DIDO1: variants seen among roughly 807,000 people sequenced by gnomAD.
The protein encoded by DIDO1 is death-inducer obliterator 1.
DIDO1 carries 16 observed loss-of-function variants against 99.4 expected under a neutral mutation model. That is an observed-to-expected ratio of 0.16 (90% CI 0.11 to 0.24). The LOEUF is 0.24. DIDO1 is among the 10% of genes least tolerant of loss of function. DIDO1 has a pLI of 1.00. For missense variants in DIDO1, 2,996 were observed against 3,014.0 expected (o/e 0.99, Z 0.14); for synonymous variants, 1,366 against 1,239.1 (o/e 1.10, Z -2.15).
In DIDO1 at chr20:62,922,668, ATCATCTGCGGCAAG is replaced by A. The variant is rs2065178117; in HGVS notation, c.-200+3757_-200+3770del. 2.0e-5 allele frequency among the ~76,000 whole-genome samples: 3 copies of A among 152,310 alleles called. No individual in the cohort carries two copies. The South Asian group carries it at 6.2e-4, about 32-fold the overall frequency. ...TTTCTGAAGCGACATCCTGTGCCAA[ATCATCTGCGGCAAG>A]TGTGCAACAGACGGTAGGTGCCACC... On this transcript the variant is annotated intron_variant, in intron 1 of 15. Transcript: ENST00000395343.
At chr20:62,904,344 T>C (rs1171894863) in intron 6 of DIDO1, among the ~76,000 whole-genome samples, 3 of 152,194 alleles carry the variant, frequency 2.0e-5, no homozygotes, top group Non-Finnish European at 4.4e-5. Context: ...GCTCAAACAA[T>C]GTAAGGTATC....
chr20:62,896,426 C>T lies in DIDO1; in HGVS notation c.2055-34G>A, dbSNP rs773455747. ...AATAAAAAAAAGGAACTACATAAGA[C>T]ACTTGTGTATATTAAACTTTTTGAA... On this transcript the variant is annotated intron_variant, in intron 7 of 15. Transcript: ENST00000395343. The surrounding 1 kb of genome is among the most constrained non-coding windows in gnomAD (Gnocchi z 4.4). The T allele has an allele frequency of 6.3e-7, 1 of 1,599,866 alleles. No homozygotes were observed. The highest frequency in any genetic ancestry group is 8.5e-7 in the Non-Finnish European group (1 of 1,175,856).
In DIDO1 at chr20:62,892,090, A is replaced by G; in HGVS notation, c.3256-14T>C. 1.2e-6 allele frequency: 2 copies of G among 1,607,216 alleles called. No homozygotes were observed. Among genetic ancestry groups the G allele is most frequent in the South Asian group, 1.1e-5 (1 of 89,502 alleles). ...GTCAGGCAAATCCTAAACAGAAAGT[A>G]CTTTGCGTAAATCACTTTGAACTGT... On this transcript the variant is annotated splice_polypyrimidine_tract_variant and intron_variant, in intron 13 of 15. Coordinates refer to ENST00000395343, the MANE Select transcript of DIDO1 (RefSeq NM_001193369.2).
intron 15 of DIDO1, among the ~76,000 whole-genome samples, chr20:62,885,848 C>T (rs2064288607): frequency 6.6e-6 from 1 of 152,252 alleles, no homozygotes; most frequent in Non-Finnish European, 1.5e-5. Context: ...ACCTTGGGAG[C>T]CATCTTCCCC....
intron 15 of DIDO1, chr20:62,888,039 G>A (rs1367948682): frequency 1.8e-5 from 18 of 985,406 alleles, no homozygotes; most frequent in South Asian, 9.4e-5. Flanking sequence ...AGGGTGCTGC[G>A]GGGGCAGCTC....
At chr20:62,935,789 CCT>C (rs2065376698) in intron 1 of DIDO1, among the ~76,000 whole-genome samples, 1 of 152,186 alleles carries the variant, frequency 6.6e-6, no homozygotes, top group Non-Finnish European at 1.5e-5. Flanking sequence ...GAGAGATCAC[CCT>C]GTCTGCTATG....
At chr20:62,908,451 C>T (rs1314839133) in intron 4 of DIDO1, among the ~76,000 whole-genome samples, 1 of 152,144 alleles carries the variant, frequency 6.6e-6, no homozygotes, top group African/African-American at 2.4e-5. Context: ...TCCTTCAAGC[C>T]AGGACTGCAG....
Position 62,896,573 on chromosome 20 carries a change from C to A in DIDO1, c.2012G>T (p.Arg671Leu). Residue 671 changes from arginine (R) to leucine (L), a missense_variant, in exon 7 of 16, where the codon CGG (arginine) becomes CTG (leucine). By Grantham distance (102) the Arg-to-Leu change is moderately radical (BLOSUM62 -2). Around this residue, in one of 5 missense-constraint regions of DIDO1, gnomAD observed 898 missense variants for 972.7 expected, o/e 0.92. Coordinates refer to ENST00000395343, the MANE Select transcript of DIDO1 (RefSeq NM_001193369.2). This position sits in a 1 kb window ranked among gnomAD's most constrained non-coding sequence, Gnocchi z 4.4. ...AAPSQPNSQI[R>L]QNIRRSLKEI... is the part of the protein sequence containing the mutation. ...TTTTAAGGAGCGTCTGATATTTTGC[C>A]GAATTTGTGAATTTGGCTGCGATGG... 6.3e-7 allele frequency: 1 copy of A among 1,594,868 alleles called. No individual in the cohort carries two copies. The highest frequency in any genetic ancestry group is 1.1e-5 in the South Asian group (1 of 88,112).
rs1317602967 is a variant in DIDO1 at position 62,880,497 on chromosome 20, T to G, written c.5459A>C (p.Tyr1820Ser). ...LFSGQHGPPP[Y>S]GDSRGPSPSY... Reference sequence around the variant, plus strand: ...GGGTGAGGGGCCTCTGCTGTCCCCATAAGGAGGTGGCCCATGTTGCCCCGA... The same window carrying G: ...GGGTGAGGGGCCTCTGCTGTCCCCAGAAGGAGGTGGCCCATGTTGCCCCGA... The change falls in exon 16 of 16, where the codon TAT becomes TCT. Residue 1820 changes from tyrosine (Y) to serine (S), a missense_variant. Physicochemically the swap from Tyr to Ser is moderately radical, Grantham distance 144 (BLOSUM62 -2). Transcript: ENST00000395343. 6.2e-7 allele frequency: 1 copy of G among 1,612,960 alleles called. No individual in the cohort carries two copies. The highest frequency in any genetic ancestry group is 1.7e-5 in the Admixed American group (1 of 60,024).
intron 4 of DIDO1, among the ~76,000 whole-genome samples, chr20:62,908,788 G>C (rs1454011279): frequency 6.6e-6 from 1 of 152,206 alleles, no homozygotes; most frequent in Non-Finnish European, 1.5e-5. Context: ...AAGCCCAGGA[G>C]ATCGAGGCTG....
chr20:62,888,664 A>ACG lies in DIDO1; in HGVS notation c.3541+2294_3541+2295dup, dbSNP rs1361138717. 9.6e-5 allele frequency: 95 copies of ACG among 985,360 alleles called. No individual in the cohort carries two copies. In the African/African-American group the frequency reaches 1.5e-3, roughly 16 times the overall value. 61.0% of individuals were successfully genotyped at this position (985,360 alleles called of 1,614,324 possible). A position where few individuals can be genotyped will look rare whatever the true frequency, so the allele number is the denominator to read the frequency against. ...CCAGGACCTAGCCTTACACACACACACGCGCGCACATGCACACGCACTACA... is the reference window on the plus strand; with the variant it reads ...CCAGGACCTAGCCTTACACACACACACGCGCGCGCACATGCACACGCACTACA... On this transcript the variant is annotated intron_variant, in intron 15 of 15. Transcript: ENST00000395343.
At chr20:62,924,831 A>T (rs2065222424) in intron 1 of DIDO1, among the ~76,000 whole-genome samples, 1 of 152,172 alleles carries the variant, frequency 6.6e-6, no homozygotes, top group Admixed American at 6.5e-5. Flanking sequence ...TCTGCTTGAC[A>T]TAGTCTGAAT....
chr20:62,881,920 G>A lies in DIDO1; in HGVS notation c.4036C>T (p.Pro1346Ser). 2 of 1,613,476 alleles carry A rather than the reference G, an allele frequency of 1.2e-6. No individual in the cohort carries two copies. The highest frequency in any genetic ancestry group is 1.7e-6 in the Non-Finnish European group (2 of 1,180,038). Residue 1346 changes from proline to serine, a missense_variant, in exon 16 of 16, where the codon CCC (proline) becomes TCC (serine). Coordinates refer to ENST00000395343, the MANE Select transcript of DIDO1 (RefSeq NM_001193369.2). This position sits in a 1 kb window ranked among gnomAD's most constrained non-coding sequence, Gnocchi z 8.3. Reference protein sequence around the residue: ...PGSTAGLPQEPKTTAEDGVPA... With the variant: ...PGSTAGLPQESKTTAEDGVPA... ...ACCCCGTCCTCTGCTGTGGTTTTGG[G>A]CTCCTGGGGGAGACCTGCGGTGGAC...
rs201791014 is a variant in DIDO1 at position 62,911,664 on chromosome 20, G to C, written c.-2-50C>G. The stretch of plus-strand genomic sequence containing the variant: ...GTGACCAACTGACCACAGAACAAAA[G>C]GTGACATTGCCGCCAAACACGCGCA... On this transcript the variant is annotated intron_variant, in intron 2 of 15. Transcript: ENST00000395343. The surrounding 1 kb of genome is among the most constrained non-coding windows in gnomAD (Gnocchi z 7.0). 3.4e-4 allele frequency: 496 copies of C among 1,480,162 alleles called. 1 individual carries two copies. Among genetic ancestry groups the C allele is most frequent in the Middle Eastern group, 2.4e-3 (13 of 5,452 alleles). The allele number at this position is 1,480,162 out of a possible 1,614,324, so 91.7% of individuals were successfully genotyped here. A position where few individuals can be genotyped will look rare whatever the true frequency, so the allele number is the denominator to read the frequency against.
Position 62,905,955 on chromosome 20 carries a change from C to T in DIDO1, c.1520G>A (p.Ser507Asn). The change falls in exon 6 of 16, where the codon AGC becomes AAC. Residue 507 changes from serine to asparagine, a missense_variant. Ser to Asn is a conservative substitution (Grantham distance 46, BLOSUM62 1). Coordinates refer to ENST00000395343, the MANE Select transcript of DIDO1 (RefSeq NM_001193369.2). Reference sequence around the variant, plus strand: ...CTTTACTGCATTGTAATTGTGATCGCTCGCCCACGACGGCGTGCTGCTCTC... The same window carrying T: ...CTTTACTGCATTGTAATTGTGATCGTTCGCCCACGACGGCGTGCTGCTCTC... ...ACESSTPSWA[S>N]DHNYNAVKPE... 1 of 1,614,088 alleles carries T rather than the reference C, an allele frequency of 6.2e-7. No homozygotes were observed. Among genetic ancestry groups the T allele is most frequent in the South Asian group, 1.1e-5 (1 of 91,074 alleles).
At chr20:62,908,388 G>C (rs1433391682) in intron 4 of DIDO1, among the ~76,000 whole-genome samples, 1 of 152,214 alleles carries the variant, frequency 6.6e-6, no homozygotes, top group Admixed American at 6.5e-5. Flanking sequence ...AGTCCTGTGA[G>C]ACCTGAGCAG....
At chr20:62,898,977 G>A (rs907794365) in intron 6 of DIDO1, among the ~76,000 whole-genome samples, 4 of 152,076 alleles carry the variant, frequency 2.6e-5, no homozygotes, top group Non-Finnish European at 4.4e-5. Context: ...GTTGCAATAG[G>A]TCAGTCAGGT....
rs771675562 is a variant in DIDO1, at chr20:62,910,914, G to A, written c.699C>T (p.Asp233=). 3 of 1,614,074 alleles carry A rather than the reference G, an allele frequency of 1.9e-6. No individual in the cohort carries two copies. The highest frequency in any genetic ancestry group is 2.5e-6 in the Non-Finnish European group (3 of 1,180,022). Reference sequence around the variant, plus strand: ...CCTTTCCCTCCAACTTACTCTCTCTGTCATCTTTCCCAGCCTGGGACACAA... The same window carrying A: ...CCTTTCCCTCCAACTTACTCTCTCTATCATCTTTCCCAGCCTGGGACACAA... ...QGVVSQAGKD[D]RESKLEGKAA... The change falls in exon 3 of 16, where the codon GAC becomes GAT. Residue 233 remains aspartate, a synonymous_variant. Coordinates refer to ENST00000395343, the MANE Select transcript of DIDO1 (RefSeq NM_001193369.2).
At chr20:62,931,927 T>C (rs1269479194) in intron 1 of DIDO1, among the ~76,000 whole-genome samples, 2 of 152,240 alleles carry the variant, frequency 1.3e-5, no homozygotes, top group Non-Finnish European at 2.9e-5. Flanking sequence ...CTGCTCTTGC[T>C]TAGTTCACAA....
Sources: allele counts gnomAD v4.1 joint callset (sites outside exome capture counted in the v4.1 genomes callset), GRCh38; gene constraint gnomAD v4.1.1; regional missense constraint gnomAD v4.1.1; non-coding constraint Gnocchi (gnomAD v3.1); transcripts MANE v1.5; gene names NCBI Gene and HGNC (gene_info 2026-07-23, HGNC 2026-07-21).